Variants in GSTT4 observed in about 807,000 individuals in gnomAD.
GSTT4 encodes glutathione S-transferase theta-4.
chr22:23,998,147 A>G (rs1168866633), downstream of GSTT4, among the ~76,000 whole-genome samples: 1 of 152,086 alleles, frequency 6.6e-6, no homozygotes, highest in Non-Finnish European at 1.5e-5. Context: ...GTCGGGTGGA[A>G]CGTTCTGTTC....
Position 23,998,747 on chromosome 22 carries a change from T to TAG in GSTT4, c.529-10_529-9dup, listed in dbSNP as rs1178816279. ...ATAGTTGGCTGCCATGGGCTGTAGA[T>TAG]AGACGAAGACAAAGACGTGGTCAGC... On this transcript the variant is annotated splice_polypyrimidine_tract_variant and intron_variant, in intron 4 of 4. Transcript: ENST00000621179. 6.5e-6 allele frequency: 1 copy of TAG among 154,786 alleles called. No homozygotes were observed. The highest frequency in any genetic ancestry group is 1.5e-5 in the Non-Finnish European group (1 of 68,190). The allele number at this position is 154,786 out of a possible 1,614,324, so 9.6% of individuals were successfully genotyped here.
intron 4 of GSTT4, among the ~76,000 whole-genome samples, chr22:23,999,819 G>C (rs1306582746): frequency 2.0e-5 from 3 of 151,246 alleles, no homozygotes; most frequent in East Asian, 2.0e-4. Context: ...TCTATCCCAG[G>C]CTCACCCTCC....
intron 2 of GSTT4, among the ~76,000 whole-genome samples, chr22:24,002,602 G>T (rs1019060266): frequency 6.6e-6 from 1 of 152,214 alleles, no homozygotes; most frequent in African/African-American, 2.4e-5. Flanking sequence ...AGGCCGAGGC[G>T]GGGGGATCAT....
chr22:23,995,531 A>G (rs1218068145), downstream of GSTT4, among the ~76,000 whole-genome samples: 3 of 152,178 alleles, frequency 2.0e-5, no homozygotes, highest in East Asian at 1.9e-4. Context: ...CTGAGATTCT[A>G]TTTTTAACAT....
intron 1 of GSTT4, chr22:24,004,480 G>A (rs1466216230): frequency 1.3e-5 from 2 of 153,556 alleles, no homozygotes; most frequent in African/African-American, 2.4e-5. Flanking sequence ...AGCTTTTGGA[G>A]TCCCTCTGTG....
At chr22:23,992,000 C>G in the GSTT4 span, among the ~76,000 whole-genome samples, 1 of 145,736 alleles carries the variant, frequency 6.9e-6, no homozygotes, top group East Asian at 2.1e-4. Flanking sequence ...TTGCAGTGAG[C>G]CGAGCTCACG....
intron 2 of GSTT4, among the ~76,000 whole-genome samples, chr22:24,002,074 G>A (rs1293739120): frequency 6.6e-6 from 1 of 152,268 alleles, no homozygotes; most frequent in Non-Finnish European, 1.5e-5. Flanking sequence ...GTAGGGGGTT[G>A]CAACTGGAAG....
chr22:23,992,820 C>A, the GSTT4 span, among the ~76,000 whole-genome samples: 1 of 150,900 alleles, frequency 6.6e-6, no homozygotes, highest in Non-Finnish European at 1.5e-5. Context: ...GTTGCCCAGG[C>A]TGGAATGAGT....
downstream of GSTT4, among the ~76,000 whole-genome samples, chr22:23,995,022 T>A (rs1347921940): frequency 6.6e-6 from 1 of 152,200 alleles, no homozygotes; most frequent in East Asian, 1.9e-4. Context: ...GGGAGAGGAT[T>A]TGCTCTAGTC....
intron 4 of GSTT4, among the ~76,000 whole-genome samples, 191 bp from the exon 5 acceptor site, chr22:23,998,930 TCA>T (rs1403513674): frequency 2.0e-5 from 3 of 152,258 alleles, no homozygotes; most frequent in Non-Finnish European, 4.4e-5. Flanking sequence ...CCAGAATCCC[TCA>T]GAGTCCTCAG....
chr22:23,997,621 A>G (rs2034130023), downstream of GSTT4, among the ~76,000 whole-genome samples: 1 of 151,974 alleles, frequency 6.6e-6, no homozygotes, highest in Non-Finnish European at 1.5e-5. Flanking sequence ...CAAAGATCCA[A>G]TTTTTGGTTT....
downstream of GSTT4, among the ~76,000 whole-genome samples, chr22:23,997,265 G>A (rs1291830799): frequency 4.0e-5 from 6 of 151,882 alleles, no homozygotes; most frequent in Admixed American, 1.3e-4. Flanking sequence ...TGCCCAGGCT[G>A]GAGTGCAGTG....
At chr22:23,992,015 T>C in the GSTT4 span, among the ~76,000 whole-genome samples, 54,871 of 136,616 alleles carry the variant, frequency 0.4, 12,885 homozygotes, top group South Asian at 0.52. Flanking sequence ...CTCACGCCAC[T>C]GCACTCCAGC....
At chr22:24,000,560 T>C (rs2146228916) in intron 3 of GSTT4, among the ~76,000 whole-genome samples, 1 of 129,930 alleles carries the variant, frequency 7.7e-6, no homozygotes. Context: ...CCATACTCTT[T>C]TTTGTTTTTG....
At chr22:23,995,273 C>A (rs150802750), downstream of GSTT4, among the ~76,000 whole-genome samples, 2,390 of 92,600 alleles carry the variant, frequency 0.026, 89 homozygotes, top group African/African-American at 0.08. Flanking sequence ...GCTGGGATTA[C>A]AGGCATACGC....
rs2146228238 is a variant in GSTT4, at chr22:24,000,238, T to A, written c.365A>T (p.Lys122Met). 1 of 153,876 alleles carries A rather than the reference T, an allele frequency of 6.5e-6. No individual in the cohort carries two copies. Among genetic ancestry groups the A allele is most frequent in the Non-Finnish European group, 1.5e-5 (1 of 68,040 alleles). The allele number at this position is 153,876 out of a possible 1,614,324, so 9.5% of individuals were successfully genotyped here. The change falls in exon 4 of 5, where the codon AAG becomes ATG. Residue 122 changes from lysine (K) to methionine (M), a missense_variant. Coordinates refer to ENST00000621179, the MANE Select transcript of GSTT4 (RefSeq NM_001358664.2). The part of the protein sequence containing the change: ...KIVWLKLLIP[K>M]ITGEEVSAEK... ...AGCTGAAACTTCCTCCCCTGTTATC[T>A]TTGGGATCAGCAACTGGCCAGGGTT...
At chr22:23,990,883 A>G in the GSTT4 span, among the ~76,000 whole-genome samples, 5 of 97,722 alleles carry the variant, frequency 5.1e-5, 1 homozygote, top group African/African-American at 1.6e-4. Context: ...ATTAAAATAG[A>G]CAACCAGTGG....
downstream of GSTT4, among the ~76,000 whole-genome samples, chr22:23,997,044 T>C (rs2034123479): frequency 6.6e-6 from 1 of 152,062 alleles, no homozygotes; most frequent in African/African-American, 2.4e-5. Flanking sequence ...TTATCTTTCT[T>C]CTTAAGTCAG....
At chr22:23,992,336 A>G in the GSTT4 span, among the ~76,000 whole-genome samples, 94 of 97,254 alleles carry the variant, frequency 9.7e-4, no homozygotes, top group African/African-American at 3.1e-3. Context: ...ATTAATCACC[A>G]TGACACGAGT....
Sources: gnomAD v4.1 joint callset for allele counts (sites outside exome capture counted in the v4.1 genomes callset) on GRCh38, gnomAD v4.1.1 for gene constraint, MANE v1.5 for transcripts, NCBI Gene and HGNC (gene_info 2026-07-23, HGNC 2026-07-21) for gene names.